CDH6: variants seen among roughly 807,000 people sequenced by gnomAD.
CDH6 encodes cadherin 6, also known as cadherin-6.
In CDH6, 31 loss-of-function variants were observed where a neutral mutation model predicts 78.0. The observed-to-expected ratio is 0.40, with a 90% CI of 0.30 to 0.54. CDH6 has a LOEUF of 0.54. Among genes scored for constraint, CDH6 ranks in the 20% least tolerant of loss-of-function variants. CDH6 has a pLI of 0.56. For synonymous variants in CDH6, 376 were observed against 368.8 expected (o/e 1.02, Z -0.23); for missense variants, 724 against 975.9 (o/e 0.74, Z 3.44).
At chr5:31,279,196 C>A (rs1426073610) in intron 2 of CDH6, among the ~76,000 whole-genome samples, 1 of 152,168 alleles carries the variant, frequency 6.6e-6, no homozygotes, top group Non-Finnish European at 1.5e-5. Context: ...CATTGACTGG[C>A]CGCCTTAACA....
At chr5:31,223,043 TCA>T (rs1184471796) in intron 1 of CDH6, among the ~76,000 whole-genome samples, 1 of 151,958 alleles carries the variant, frequency 6.6e-6, no homozygotes, top group African/African-American at 2.4e-5. Flanking sequence ...TCTCTCTCTC[TCA>T]CACACACATT....
chr5:31,242,135 T>A (rs1021837280), intron 1 of CDH6, among the ~76,000 whole-genome samples: 7 of 152,208 alleles, frequency 4.6e-5, no homozygotes, highest in Admixed American at 1.3e-4. Context: ...CATTGTTATG[T>A]CCCCTAGTGA....
At chr5:31,297,794 A>C (rs548413346) in intron 4 of CDH6, among the ~76,000 whole-genome samples, 4 of 152,256 alleles carry the variant, frequency 2.6e-5, no homozygotes, top group Admixed American at 6.5e-5. Context: ...TAGCCATGTG[A>C]TTTATTTGGG....
At chr5:31,222,177 A>G (rs755597447) in intron 1 of CDH6, among the ~76,000 whole-genome samples, 1 of 152,228 alleles carries the variant, frequency 6.6e-6, no homozygotes, top group Non-Finnish European at 1.5e-5. Context: ...GATATTCACT[A>G]CTTCTAGGAA....
chr5:31,199,436 GTATA>G (rs35609367), intron 1 of CDH6, among the ~76,000 whole-genome samples: 2 of 112,252 alleles, frequency 1.8e-5, no homozygotes, highest in Non-Finnish European at 1.8e-5. Flanking sequence ...ACACATATGT[GTATA>G]TATACACACA....
intron 1 of CDH6, among the ~76,000 whole-genome samples, chr5:31,222,738 T>C (rs1741036566): frequency 1.3e-5 from 2 of 152,174 alleles, no homozygotes; most frequent in South Asian, 2.1e-4. Flanking sequence ...AATTCACTAA[T>C]GGTGATTTTA....
Position 31,263,534 on chromosome 5 carries a change from C to T in CDH6, c.-128-3812C>T, listed in dbSNP as rs866492036. 4.0e-5 allele frequency among the ~76,000 whole-genome samples: 6 copies of T among 150,200 alleles called. No homozygotes were observed. In the South Asian group the frequency reaches 1.1e-3, roughly 27 times the overall value. ...CTGACCTCAGGCGATCCACCCACCT[C>T]GGCCTTCCAAAGTGCTGGAATTACA... On this transcript the variant is annotated intron_variant, in intron 1 of 11. Coordinates refer to ENST00000265071, the MANE Select transcript of CDH6 (RefSeq NM_004932.4).
chr5:31,206,531 C>T lies in CDH6; in HGVS notation c.-129+12645C>T, dbSNP rs188557891. ...TTACTGTTGGTCCCAAGGGAAACCTCGCAAGGGTGTTTGAAAGGTTCAGAT... is the reference window on the plus strand; with the variant it reads ...TTACTGTTGGTCCCAAGGGAAACCTTGCAAGGGTGTTTGAAAGGTTCAGAT... On this transcript the variant is annotated intron_variant, in intron 1 of 11. Coordinates refer to ENST00000265071, the MANE Select transcript of CDH6 (RefSeq NM_004932.4). 4.3e-3 allele frequency among the ~76,000 whole-genome samples: 652 copies of T among 152,216 alleles called. 6 individuals carry two copies. Among genetic ancestry groups the T allele is most frequent in the African/African-American group, 0.015 (638 of 41,526 alleles).
chr5:31,328,724 C>T lies in CDH6; in HGVS notation c.*5416C>T. The T allele has an allele frequency of 4.7e-6, 1 of 214,952 alleles. No homozygotes were observed. Among genetic ancestry groups the T allele is most frequent in the Non-Finnish European group, 9.4e-6 (1 of 106,502 alleles). 13.3% of individuals were successfully genotyped at this position (214,952 alleles called of 1,614,324 possible). A position where few individuals can be genotyped will look rare whatever the true frequency, so the allele number is the denominator to read the frequency against. On this transcript the variant is annotated 3_prime_UTR_variant, in exon 12 of 12. Transcript: ENST00000265071. ...TTCCAAGTATAAATTGAAACGGATG[C>T]CACCCTTGAAGATTTACTGGCGGGA...
In CDH6 at chr5:31,203,502, G is replaced by GT. The variant is rs539693855; in HGVS notation, c.-129+9622dup. Among the ~76,000 whole-genome samples, 328 of 139,870 alleles carry GT rather than the reference G, an allele frequency of 2.3e-3. 1 individual carries two copies. Among genetic ancestry groups the GT allele is most frequent in the South Asian group, 4.1e-3 (17 of 4,118 alleles). The allele number at this position is 139,870 out of a possible 152,430, so 91.8% of individuals were successfully genotyped here. ...TATGAGTGAGAATATGCGGTGTTTGGTTTTTTGTTCTTGCGACAGTTTACT... is the reference window on the plus strand; with the variant it reads ...TATGAGTGAGAATATGCGGTGTTTGGTTTTTTTGTTCTTGCGACAGTTTACT... On this transcript the variant is annotated intron_variant, in intron 1 of 11. Coordinates refer to ENST00000265071, the MANE Select transcript of CDH6 (RefSeq NM_004932.4).
At chr5:31,210,076 T>TTTTG (rs1554002608) in intron 1 of CDH6, among the ~76,000 whole-genome samples, 33 of 146,470 alleles carry the variant, frequency 2.3e-4, no homozygotes, top group African/African-American at 7.6e-4. Context: ...TTTTCTTAAA[T>TTTTG]TGTGTGTGTG....
chr5:31,248,316 G>T (rs185834837), intron 1 of CDH6, among the ~76,000 whole-genome samples: 3 of 152,252 alleles, frequency 2.0e-5, no homozygotes, highest in Admixed American at 6.5e-5. Flanking sequence ...CCACCTCTCT[G>T]TCCTTTTTCC....
At chr5:31,265,342 T>A (rs1460951266) in intron 1 of CDH6, among the ~76,000 whole-genome samples, 2 of 152,206 alleles carry the variant, frequency 1.3e-5, no homozygotes, top group Non-Finnish European at 2.9e-5. Context: ...CTGGCATTTT[T>A]CCAGTATGGC....
intron 11 of CDH6, among the ~76,000 whole-genome samples, chr5:31,320,537 T>G (rs1422799726): frequency 6.6e-6 from 1 of 152,172 alleles, no homozygotes; most frequent in Non-Finnish European, 1.5e-5. Context: ...ATGTCCTTAC[T>G]TCCAACCCTC....
Position 31,305,145 on chromosome 5 carries a change from T to A in CDH6, c.1000-29T>A, listed in dbSNP as rs754306393. 5.1e-5 allele frequency: 81 copies of A among 1,590,124 alleles called. No homozygotes were observed. The South Asian group carries it at 8.2e-4, about 16-fold the overall frequency. ...CTGTGTCTTGGCTGCTTTAAATATG[T>A]CACTTCTTCCCCCACCCCCAACCTC... is the stretch of plus-strand genomic sequence containing the variant. On this transcript the variant is annotated intron_variant, in intron 6 of 11. Coordinates refer to ENST00000265071, the MANE Select transcript of CDH6 (RefSeq NM_004932.4).
At chr5:31,254,854 A>G (rs1489261395) in intron 1 of CDH6, among the ~76,000 whole-genome samples, 2 of 152,226 alleles carry the variant, frequency 1.3e-5, no homozygotes, top group East Asian at 1.9e-4. Context: ...CTGCTTTCCA[A>G]TATCAGTCTT....
chr5:31,202,795 T>C (rs1364650767), intron 1 of CDH6, among the ~76,000 whole-genome samples: 1 of 151,370 alleles, frequency 6.6e-6, no homozygotes, highest in Non-Finnish European at 1.5e-5. Flanking sequence ...TATATATGTG[T>C]ATATATGTGA....
chr5:31,198,630 G>C (rs538253752), intron 1 of CDH6, among the ~76,000 whole-genome samples: 12 of 152,206 alleles, frequency 7.9e-5, no homozygotes, highest in African/African-American at 2.6e-4. Flanking sequence ...AAAACAGCAA[G>C]AAAAAATTAA....
At chr5:31,315,259 C>T (rs1281881442) in intron 8 of CDH6, among the ~76,000 whole-genome samples, 53 of 152,058 alleles carry the variant, frequency 3.5e-4, no homozygotes, top group Admixed American at 3.5e-3. Context: ...ATGGTTTGTC[C>T]ATCCCCATTA....
Sources: gnomAD v4.1 joint callset for allele counts (sites outside exome capture counted in the v4.1 genomes callset) on GRCh38, gnomAD v4.1.1 for gene constraint, MANE v1.5 for transcripts, NCBI Gene and HGNC (gene_info 2026-07-23, HGNC 2026-07-21) for gene names.